Variants in PBX3 observed in about 807,000 individuals in gnomAD.
PBX3 encodes the protein PBX homeobox 3.
A neutral mutation model predicts 48.5 loss-of-function variants in PBX3; 14 were observed. The observed-to-expected ratio is 0.29, with a 90% CI of 0.19 to 0.45. The LOEUF is 0.45. PBX3 is among the 20% of genes least tolerant of loss of function. The pLI is 1.00. For synonymous variants in PBX3, 210 were observed against 200.3 expected (o/e 1.05, Z -0.41); for missense variants, 386 against 546.7 (o/e 0.71, Z 2.93).
At chr9:125,937,767 A>C (rs2132535963) in intron 5 of PBX3, among the ~76,000 whole-genome samples, 1 of 152,254 alleles carries the variant, frequency 6.6e-6, no homozygotes, top group East Asian at 1.9e-4. Context: ...GGCTCAAGCA[A>C]TCCTCCTGCC....
intron 2 of PBX3, among the ~76,000 whole-genome samples, chr9:125,891,409 G>A (rs1337575701): frequency 3.9e-5 from 6 of 152,304 alleles, no homozygotes; most frequent in South Asian, 4.1e-4. Context: ...TGGCAGTTCC[G>A]TGAGGTTCAG....
At chr9:125,890,156 T>C (rs1840607591) in intron 2 of PBX3, among the ~76,000 whole-genome samples, 1 of 152,156 alleles carries the variant, frequency 6.6e-6, no homozygotes, top group African/African-American at 2.4e-5. Flanking sequence ...ATTTCAAACA[T>C]CTGGGCTGCT....
intron 2 of PBX3, among the ~76,000 whole-genome samples, chr9:125,892,673 C>A (rs533585096): frequency 2.0e-4 from 31 of 152,252 alleles, no homozygotes; most frequent in Non-Finnish European, 7.4e-5. Flanking sequence ...TCATTTCATC[C>A]CCAATCTGTG....
chr9:125,801,457 C>T (rs1389384104), intron 2 of PBX3, among the ~76,000 whole-genome samples: 1 of 152,060 alleles, frequency 6.6e-6, no homozygotes, highest in Non-Finnish European at 1.5e-5. Flanking sequence ...AAATTATTTC[C>T]TTCAAAAATT....
intron 3 of PBX3, among the ~76,000 whole-genome samples, chr9:125,919,478 G>A (rs1229572169): frequency 6.6e-6 from 1 of 151,416 alleles, no homozygotes; most frequent in East Asian, 1.9e-4. Context: ...CAAAGGGCCG[G>A]GATTACAGGT....
chr9:125,812,215 C>T (rs1669332779), intron 2 of PBX3, among the ~76,000 whole-genome samples: 1 of 152,138 alleles, frequency 6.6e-6, no homozygotes, highest in Admixed American at 6.5e-5. Flanking sequence ...ACCAAGACAC[C>T]TCCCAAAGGC....
At chr9:125,847,463 T>C (rs1317289050) in intron 2 of PBX3, among the ~76,000 whole-genome samples, 1 of 151,912 alleles carries the variant, frequency 6.6e-6, no homozygotes, top group Admixed American at 6.6e-5. Flanking sequence ...GAATACCCAA[T>C]GATATGGAAA....
intron 2 of PBX3, among the ~76,000 whole-genome samples, chr9:125,776,471 A>G (rs955315536): frequency 6.6e-6 from 1 of 152,076 alleles, no homozygotes; most frequent in Admixed American, 6.5e-5. Context: ...TTGTGTCTAT[A>G]CTTGTAAAAT....
chr9:125,783,565 G>A (rs983620875), intron 2 of PBX3, among the ~76,000 whole-genome samples: 3 of 152,118 alleles, frequency 2.0e-5, no homozygotes, highest in African/African-American at 4.8e-5. Context: ...GGGATTACAG[G>A]CATCAGCCAC....
chr9:125,870,763 T>G (rs1588242112), intron 2 of PBX3, among the ~76,000 whole-genome samples: 1 of 152,208 alleles, frequency 6.6e-6, no homozygotes, highest in African/African-American at 2.4e-5. Context: ...ATTTTAAGGT[T>G]CATTTATTGT....
At chr9:125,776,719 T>G (rs1837081927) in intron 2 of PBX3, among the ~76,000 whole-genome samples, 1 of 151,980 alleles carries the variant, frequency 6.6e-6, no homozygotes, top group African/African-American at 2.4e-5. Flanking sequence ...TTTTTTTGTA[T>G]TTTTTGTAGA....
intron 2 of PBX3, among the ~76,000 whole-genome samples, chr9:125,770,402 GAAT>G (rs1378849390): frequency 6.6e-6 from 1 of 152,074 alleles, no homozygotes; most frequent in Non-Finnish European, 1.5e-5. Context: ...TTTTGAAGGG[GAAT>G]ATAGTACTTA....
intron 2 of PBX3, among the ~76,000 whole-genome samples, chr9:125,763,551 A>G (rs1836724628): frequency 6.6e-6 from 1 of 152,174 alleles, no homozygotes; most frequent in East Asian, 1.9e-4. Flanking sequence ...TCAGCACCCC[A>G]GGGATAAAGG....
chr9:125,797,170 A>C (rs1837808893), intron 2 of PBX3, among the ~76,000 whole-genome samples: 1 of 152,174 alleles, frequency 6.6e-6, no homozygotes, highest in African/African-American at 2.4e-5. Context: ...ATATATTTTA[A>C]AAAATGTTTT....
At chr9:125,917,342 G>T (rs1841356723) in intron 3 of PBX3, among the ~76,000 whole-genome samples, 1 of 152,114 alleles carries the variant, frequency 6.6e-6, no homozygotes, top group African/African-American at 2.4e-5. Context: ...CACCAGAGGG[G>T]TTCATTTGTT....
chr9:125,868,167 A>G (rs899484391), intron 2 of PBX3, among the ~76,000 whole-genome samples: 2 of 147,106 alleles, frequency 1.4e-5, no homozygotes, highest in African/African-American at 5.0e-5. Flanking sequence ...GAGCCACTAC[A>G]CCCAGACTGC....
intron 2 of PBX3, among the ~76,000 whole-genome samples, chr9:125,815,813 G>A (rs1213471929): frequency 5.9e-5 from 9 of 152,002 alleles, no homozygotes; most frequent in Admixed American, 5.9e-4. Flanking sequence ...GTCCAAGGTT[G>A]GAGCCTCTGT....
At chr9:125,853,670 T>G (rs1033850470) in intron 2 of PBX3, among the ~76,000 whole-genome samples, 2 of 152,190 alleles carry the variant, frequency 1.3e-5, no homozygotes, top group Non-Finnish European at 2.9e-5. Context: ...CAGATTGAAG[T>G]TGAAAATTTA....
At chr9:125,894,477 T>C (rs941900865) in intron 2 of PBX3, among the ~76,000 whole-genome samples, 1 of 152,144 alleles carries the variant, frequency 6.6e-6, no homozygotes, top group African/African-American at 2.4e-5. Context: ...TTTGTTAACA[T>C]GTGCCTGTTT....
Sources: allele counts gnomAD v4.1 joint callset (sites outside exome capture counted in the v4.1 genomes callset), GRCh38; gene constraint gnomAD v4.1.1; transcripts MANE v1.5; gene names NCBI Gene and HGNC (gene_info 2026-07-23, HGNC 2026-07-21).